Variants in WDR59 observed in about 807,000 individuals in gnomAD.
WDR59 encodes the protein GATOR2 complex protein WDR59.
A neutral mutation model predicts 131.2 loss-of-function variants in WDR59; 100 were observed. The observed-to-expected ratio is 0.76, with a 90% CI of 0.65 to 0.90. The LOEUF (loss-of-function observed/expected upper bound fraction) is 0.90. WDR59 is among the 40% of genes least tolerant of loss of function. The pLI is 0.00. For missense variants in WDR59, 1,203 were observed against 1,262.2 expected (o/e 0.95, Z 0.71); for synonymous variants, 601 against 466.2 (o/e 1.29, Z -3.72).
intron 1 of WDR59, among the ~76,000 whole-genome samples, chr16:74,978,160 C>A (rs370917154): frequency 6.6e-5 from 10 of 152,102 alleles, no homozygotes; most frequent in African/African-American, 2.4e-4. Flanking sequence ...TCAAGACCAG[C>A]CTGGCAAAGA....
rs35744843 is a variant in WDR59 at position 74,978,147 on chromosome 16, A to G, written c.54+6817T>C. Among the ~76,000 whole-genome samples the G allele has an allele frequency of 4.9e-3, 750 of 152,172 alleles. 1 individual carries two copies. The highest frequency in any genetic ancestry group is 0.017 in the African/African-American group (714 of 41,558). On this transcript the variant is annotated intron_variant, in intron 1 of 25. Coordinates refer to ENST00000262144, the MANE Select transcript of WDR59 (RefSeq NM_030581.4). ...AAGGTGGGTGGATCGTGAGGTCAGG[A>G]GTTCAAGACCAGCCTGGCAAAGATG...
At position 74,926,441 on chromosome 16, in the gene WDR59, T is replaced by C. The variant is rs62061360; in HGVS notation, c.652-2438A>G. 8.3e-3 allele frequency among the ~76,000 whole-genome samples: 1,263 copies of C among 152,200 alleles called. 5 individuals are homozygous for C. The highest frequency in any genetic ancestry group is 0.031 in the Middle Eastern group (9 of 294). On this transcript the variant is annotated intron_variant, in intron 8 of 25. Transcript: ENST00000262144. ...TTGAAGACAGAATAAAGGTTGAAAATTTCCCCAAAGTGAGGATGGCCAACA... is the reference window on the plus strand; with the variant it reads ...TTGAAGACAGAATAAAGGTTGAAAACTTCCCCAAAGTGAGGATGGCCAACA...
rs573871030 is a variant in WDR59 at position 74,921,163 on chromosome 16, G to T, written c.886+784C>A. On this transcript the variant is annotated intron_variant, in intron 10 of 25. Transcript: ENST00000262144. ...TTACAAAGGCAAACTCCTGTCATGG[G>T]GGTTTGTTGTACAGATTATTTCATC... Among the ~76,000 whole-genome samples, 4 of 152,098 alleles carry T rather than the reference G, an allele frequency of 2.6e-5. No individual in the cohort carries two copies. In the East Asian group the frequency reaches 7.7e-4, roughly 29 times the overall value.
At chr16:74,924,314 A>G (rs187051189) in intron 8 of WDR59, among the ~76,000 whole-genome samples, 145 of 152,362 alleles carry the variant, frequency 9.5e-4, no homozygotes, top group African/African-American at 3.5e-3. Context: ...TTGATTTTGT[A>G]TCACGTTTAC....
intron 8 of WDR59, among the ~76,000 whole-genome samples, chr16:74,935,905 G>A (rs1422825579): frequency 6.6e-6 from 1 of 151,688 alleles, no homozygotes; most frequent in Non-Finnish European, 1.5e-5. Flanking sequence ...GCTGAGGCAG[G>A]AGAATCGCTT....
chr16:74,878,145 T>C (rs549493661), intron 25 of WDR59, among the ~76,000 whole-genome samples: 5 of 152,330 alleles, frequency 3.3e-5, no homozygotes, highest in African/African-American at 1.2e-4. Context: ...TTTAGCATTA[T>C]TGTAAGAGCT....
Position 74,972,102 on chromosome 16 carries a change from A to C in WDR59, c.55-6280T>G, listed in dbSNP as rs77463091. Among the ~76,000 whole-genome samples the C allele has an allele frequency of 2.3e-3, 345 of 152,330 alleles. 3 individuals carry two copies. Among genetic ancestry groups the C allele is most frequent in the African/African-American group, 8.1e-3 (336 of 41,578 alleles). Reference sequence around the variant, plus strand: ...GCTCTCTATCAAAACAGGTATCTTTAAACAGAAGAGAATGAAGTTCTTAGA... The same window carrying C: ...GCTCTCTATCAAAACAGGTATCTTTCAACAGAAGAGAATGAAGTTCTTAGA... On this transcript the variant is annotated intron_variant, in intron 1 of 25. Coordinates refer to ENST00000262144, the MANE Select transcript of WDR59 (RefSeq NM_030581.4).
chr16:74,965,083 T>C (rs1372543412), intron 2 of WDR59, among the ~76,000 whole-genome samples: 2 of 152,082 alleles, frequency 1.3e-5, no homozygotes, highest in African/African-American at 4.8e-5. Context: ...AAAAAAATTT[T>C]TTTTTGAGAT....
At chr16:74,923,792 T>C (rs570967511) in intron 9 of WDR59, 134 bp downstream of exon 9, 30 of 800,106 alleles carry the variant, frequency 3.7e-5, no homozygotes, top group Middle Eastern at 2.7e-4. Flanking sequence ...ATTATCACGT[T>C]TGTCCCACCA....
chr16:74,913,258 C>A (rs1186779740), intron 13 of WDR59, among the ~76,000 whole-genome samples: 1 of 150,306 alleles, frequency 6.7e-6, no homozygotes, highest in Non-Finnish European at 1.5e-5. Flanking sequence ...GTTCCCAACA[C>A]AAAGTATTCT....
intron 18 of WDR59, 55 bp downstream of exon 18, chr16:74,903,892 G>A (rs1212508745): frequency 1.3e-6 from 2 of 1,558,296 alleles, no homozygotes; most frequent in Non-Finnish European, 1.7e-6. Context: ...AGGAGATGAG[G>A]AACAAGAATC....
intron 8 of WDR59, among the ~76,000 whole-genome samples, 158 bp downstream of exon 8, chr16:74,937,992 A>G (rs939974442): frequency 2.6e-5 from 4 of 152,368 alleles, no homozygotes; most frequent in Non-Finnish European, 5.9e-5. Context: ...TTTGCTGGTC[A>G]GCATAACCAA....
At position 74,874,078 on chromosome 16, in the gene WDR59, G is replaced by A; in HGVS notation, c.*131C>T. Reference sequence around the variant, plus strand: ...GCCCACCAAGAGCTGATGCTGCGCAGTCCTTGGGGGATCATCCTCCGGTCT... The same window carrying A: ...GCCCACCAAGAGCTGATGCTGCGCAATCCTTGGGGGATCATCCTCCGGTCT... On this transcript the variant is annotated 3_prime_UTR_variant, in exon 26 of 26. Coordinates refer to ENST00000262144, the MANE Select transcript of WDR59 (RefSeq NM_030581.4). 1 of 749,526 alleles carries A rather than the reference G, an allele frequency of 1.3e-6. No individual in the cohort carries two copies. Among genetic ancestry groups the A allele is most frequent in the Non-Finnish European group, 2.2e-6 (1 of 460,966 alleles). The allele number at this position is 749,526 out of a possible 1,614,324, so 46.4% of individuals were successfully genotyped here.
chr16:74,960,776 A>G (rs1486166849), intron 2 of WDR59, among the ~76,000 whole-genome samples: 1 of 150,658 alleles, frequency 6.6e-6, no homozygotes, highest in Non-Finnish European at 1.5e-5. Context: ...AAAAAGAGAG[A>G]GAGAAAGAAA....
chr16:74,977,759 C>T (rs1463077660), intron 1 of WDR59, among the ~76,000 whole-genome samples: 1 of 152,160 alleles, frequency 6.6e-6, no homozygotes, highest in Non-Finnish European at 1.5e-5. Context: ...CAGCTTTCTT[C>T]AGTCACTAAA....
At chr16:74,948,933 G>A (rs376941574) in intron 5 of WDR59, among the ~76,000 whole-genome samples, 143 of 152,272 alleles carry the variant, frequency 9.4e-4, no homozygotes, top group Non-Finnish European at 1.7e-3. Context: ...AGGAGGCAGA[G>A]GTTGCAGTGA....
chr16:74,887,807 C>G (rs751720003), intron 22 of WDR59, 52 bp from the exon 23 acceptor site: 17 of 1,543,612 alleles, frequency 1.1e-5, no homozygotes, highest in Middle Eastern at 1.7e-4. Flanking sequence ...ATACCATTCC[C>G]CATGACAGTT....
At chr16:74,891,252 A>T (rs1425828546) in intron 20 of WDR59, among the ~76,000 whole-genome samples, 1 of 152,220 alleles carries the variant, frequency 6.6e-6, no homozygotes, top group East Asian at 1.9e-4. Flanking sequence ...ACTTTGAATC[A>T]AGGAGTTTAC....
At chr16:74,933,097 T>C (rs1359695725) in intron 8 of WDR59, among the ~76,000 whole-genome samples, 1 of 151,984 alleles carries the variant, frequency 6.6e-6, no homozygotes, top group African/African-American at 2.4e-5. Flanking sequence ...AGGAATAAAA[T>C]TAAAATGCCA....
Sources: gnomAD v4.1 joint callset for allele counts (sites outside exome capture counted in the v4.1 genomes callset) on GRCh38, gnomAD v4.1.1 for gene constraint, MANE v1.5 for transcripts, NCBI Gene and HGNC (gene_info 2026-07-23, HGNC 2026-07-21) for gene names.